USP40: variants seen among roughly 807,000 people sequenced by gnomAD.
USP40 encodes the protein ubiquitin carboxyl-terminal hydrolase 40.
Under a neutral mutation model 166.2 loss-of-function variants are expected in USP40, and 143 were observed. That is an observed-to-expected ratio of 0.86 (90% CI 0.75 to 0.99). The LOEUF (loss-of-function observed/expected upper bound fraction) is 0.99. Among genes scored for constraint, USP40 ranks in the 50% least tolerant of loss-of-function variants. The pLI is 0.00. For synonymous variants in USP40, 498 were observed against 524.0 expected, an observed-to-expected ratio of 0.95 and a Z score of 0.68; for missense variants, 1,444 against 1,479.7, an observed-to-expected ratio of 0.98 and a Z score of 0.40.
chr2:233,538,048 T>C (rs1447915554), intron 10 of USP40, among the ~76,000 whole-genome samples: 1 of 152,150 alleles, frequency 6.6e-6, no homozygotes, highest in Non-Finnish European at 1.5e-5. Context: ...TATACTATTG[T>C]AAGCATCTTA....
intron 28 of USP40, chr2:233,487,692 A>C (rs908799124): frequency 4.7e-6 from 1 of 212,152 alleles, no homozygotes; most frequent in African/African-American, 2.3e-5. Context: ...TTGATTGTAG[A>C]CAATTTTGGG....
At chr2:233,512,437 C>A (rs1201736394) in intron 19 of USP40, 132 bp downstream of exon 19, 3 of 453,754 alleles carry the variant, frequency 6.6e-6, no homozygotes, top group Non-Finnish European at 1.1e-5. Flanking sequence ...AGGTAAGATA[C>A]CTGGAAGAAA....
chr2:233,559,418 T>C lies in USP40; in HGVS notation c.381+393A>G, dbSNP rs558727974. The stretch of plus-strand genomic sequence containing the variant: ...AGAATTTTTAAAAATTTACTTACAA[T>C]GTAATTGATCCATTATTGTTGGTCA... On this transcript the variant is annotated intron_variant, in intron 4 of 31. Coordinates refer to ENST00000678225, the MANE Select transcript of USP40 (RefSeq NM_001365479.2). Among the ~76,000 whole-genome samples the C allele has an allele frequency of 1.1e-4, 17 of 152,338 alleles. No homozygotes were observed. The South Asian group carries it at 2.9e-3, about 26-fold the overall frequency.
chr2:233,554,165 GT>G (rs752657318), intron 6 of USP40, among the ~76,000 whole-genome samples: 1 of 152,144 alleles, frequency 6.6e-6, no homozygotes, highest in Non-Finnish European at 1.5e-5. Flanking sequence ...GTACAATAAA[GT>G]TTTCCCCGGA....
chr2:233,492,834 G>A (rs990845767), intron 25 of USP40: 1 of 152,320 alleles, frequency 6.6e-6, no homozygotes, highest in African/African-American at 2.4e-5. Flanking sequence ...TTATAATGAA[G>A]TGGAACTCCT....
intron 10 of USP40, among the ~76,000 whole-genome samples, chr2:233,537,695 C>T (rs2069031841): frequency 6.6e-6 from 1 of 152,106 alleles, no homozygotes; most frequent in South Asian, 2.1e-4. Context: ...AAATGATTAA[C>T]TTATAATTCT....
chr2:233,485,604 T>A lies in USP40; in HGVS notation c.3431A>T (p.Lys1144Ile). The A allele has an allele frequency of 2.5e-6, 4 of 1,613,792 alleles. No individual in the cohort carries two copies. Among genetic ancestry groups the A allele is most frequent in the Non-Finnish European group, 3.4e-6 (4 of 1,179,782 alleles). ...CAAATAATCTTGTTTTTTTTTCTTT[T>A]TCCTCTTGGTTATTTGTTGGTTCTA... ...SSWNQQITKR[K>I]KKKKQDYLQG... Residue 1144 changes from lysine to isoleucine, a missense_variant, in exon 30 of 32, where the codon AAA (lysine) becomes ATA (isoleucine). Physicochemically the swap from Lys to Ile is moderately radical, Grantham distance 102 (BLOSUM62 -3). Coordinates refer to ENST00000678225, the MANE Select transcript of USP40 (RefSeq NM_001365479.2).
intron 10 of USP40, among the ~76,000 whole-genome samples, chr2:233,537,933 A>C (rs2069053531): frequency 6.6e-6 from 1 of 152,158 alleles, no homozygotes; most frequent in Non-Finnish European, 1.5e-5. Flanking sequence ...AAAAGTCACT[A>C]AAGTGTTTAA....
intron 30 of USP40, among the ~76,000 whole-genome samples, chr2:233,481,900 G>A (rs142448235): frequency 2.6e-5 from 4 of 152,346 alleles, no homozygotes; most frequent in Non-Finnish European, 2.9e-5. Context: ...CAGGGAGGAC[G>A]CCTCAGGGGC....
rs555872525 is a variant in USP40 at position 233,512,600 on chromosome 2, A to G, written c.2406T>C (p.Pro802=). 3 of 1,583,902 alleles carry G rather than the reference A, an allele frequency of 1.9e-6. No individual in the cohort carries two copies. In the South Asian group the frequency reaches 3.5e-5, roughly 19 times the overall value. The change falls in exon 19 of 32, where the codon CCT becomes CCC. Residue 802 remains proline (P), a synonymous_variant. Coordinates refer to ENST00000678225, the MANE Select transcript of USP40 (RefSeq NM_001365479.2). ...AAAGAAGCTTCCCATTTCTATCAAT[A>G]GGTCTCAAACAGCTGTTGTCAGCTA... ...KELADNSCLR[P]IDRNGKLLCP... is the part of the protein sequence containing the mutation.
intron 20 of USP40, among the ~76,000 whole-genome samples, chr2:233,510,781 C>G (rs1482402488): frequency 6.6e-6 from 1 of 152,156 alleles, no homozygotes; most frequent in African/African-American, 2.4e-5. Context: ...TTACTACACA[C>G]AGTTAGCATT....
Position 233,559,728 on chromosome 2 carries a change from T to C in USP40, c.381+83A>G, listed in dbSNP as rs897747196. 1.4e-5 allele frequency: 13 copies of C among 942,452 alleles called. No individual in the cohort carries two copies. The Admixed American group carries it at 1.9e-4, about 14-fold the overall frequency. 58.4% of individuals were successfully genotyped at this position (942,452 alleles called of 1,614,324 possible). ...ATATGTTGAGACCCTAAGACAAAATTAAAGGAAGTTAGATAACATTAAACC... is the reference window on the plus strand; with the variant it reads ...ATATGTTGAGACCCTAAGACAAAATCAAAGGAAGTTAGATAACATTAAACC... On this transcript the variant is annotated intron_variant, in intron 4 of 31. Transcript: ENST00000678225.
intron 21 of USP40, among the ~76,000 whole-genome samples, chr2:233,507,361 A>G (rs1351738131): frequency 6.6e-6 from 1 of 152,218 alleles, no homozygotes; most frequent in Non-Finnish European, 1.5e-5. Context: ...TGTCAAAGAG[A>G]TATCTGCACT....
chr2:233,508,260 T>C (rs1575256301), intron 21 of USP40, among the ~76,000 whole-genome samples: 1 of 152,362 alleles, frequency 6.6e-6, no homozygotes, highest in South Asian at 2.1e-4. Flanking sequence ...CTACTTTCTC[T>C]TAAATTATTA....
In USP40 at chr2:233,478,080, G is replaced by A. The variant is rs532233400; in HGVS notation, c.3600-577C>T. Among the ~76,000 whole-genome samples, 16 of 152,362 alleles carry A rather than the reference G, an allele frequency of 1.1e-4. No homozygotes were observed. In the South Asian group the frequency reaches 1.9e-3, roughly 18 times the overall value. On this transcript the variant is annotated intron_variant, in intron 31 of 31. Transcript: ENST00000678225. Reference sequence around the variant, plus strand: ...ACAGTCCCCGACAGAAAGCCTCCGCGGCCCACCCGCCATCCCACTGCTGAG... The same window carrying A: ...ACAGTCCCCGACAGAAAGCCTCCGCAGCCCACCCGCCATCCCACTGCTGAG...
In USP40 at chr2:233,554,453, A is replaced by G. The variant is rs368991380; in HGVS notation, c.620T>C (p.Val207Ala). ...GTCACAATCAAAAACTTCCTCTTCT[A>G]CATACATGTTCCAGAGAGCATCTTC... is the stretch of plus-strand genomic sequence containing the variant. ...GLEDALWNMY[V>A]EEEVFDCDNL... The change falls in exon 6 of 32, where the codon GTA becomes GCA. Residue 207 changes from valine (V) to alanine (A), a missense_variant. Physicochemically the swap from Val to Ala is moderately conservative, Grantham distance 64 (BLOSUM62 0). Coordinates refer to ENST00000678225, the MANE Select transcript of USP40 (RefSeq NM_001365479.2). 4 of 1,613,336 alleles carry G rather than the reference A, an allele frequency of 2.5e-6. No homozygotes were observed. The African/African-American group carries it at 4.0e-5, about 16-fold the overall frequency.
At chr2:233,484,746 G>A (rs879176862) in intron 30 of USP40, among the ~76,000 whole-genome samples, 1 of 152,282 alleles carries the variant, frequency 6.6e-6, no homozygotes, top group African/African-American at 2.4e-5. Context: ...GCCTCCCAAA[G>A]TGTTGGCATT....
intron 18 of USP40, among the ~76,000 whole-genome samples, chr2:233,516,800 T>G (rs1182639130): frequency 6.6e-6 from 1 of 151,050 alleles, no homozygotes; most frequent in Non-Finnish European, 1.5e-5. Flanking sequence ...GAGGTTGTAG[T>G]GAGCCAAGAT....
At position 233,481,770 on chromosome 2, in the gene USP40, C is replaced by T. The variant is rs566693986; in HGVS notation, c.3505-473G>A. The T allele has an allele frequency of 2.5e-5, 4 of 157,198 alleles. No individual in the cohort carries two copies. The South Asian group carries it at 5.8e-4, about 23-fold the overall frequency. The allele number at this position is 157,198 out of a possible 1,614,324, so 9.7% of individuals were successfully genotyped here. On this transcript the variant is annotated intron_variant, in intron 30 of 31. Transcript: ENST00000678225. The stretch of plus-strand genomic sequence containing the variant: ...CCTTGGCATCTCCTGCAAGCCTTAA[C>T]TGCAGGGTTTCACAAACACAGGCTG...
Sources: gnomAD v4.1 joint callset for allele counts (sites outside exome capture counted in the v4.1 genomes callset) on GRCh38, gnomAD v4.1.1 for gene constraint, MANE v1.5 for transcripts, NCBI Gene and HGNC (gene_info 2026-07-23, HGNC 2026-07-21) for gene names.